ARL13A: variants seen among roughly 807,000 people sequenced by gnomAD.
ARL13A encodes ADP-ribosylation factor-like protein 13A.
In ARL13A, 16 loss-of-function variants were observed where a neutral mutation model predicts 19.1. That is an observed-to-expected ratio of 0.84 (90% CI 0.57 to 1.27). The LOEUF is 1.27. Among genes scored for constraint, ARL13A ranks in the 50% most tolerant of loss-of-function variants. ARL13A has a pLI of 0.00. For synonymous variants in ARL13A, 69 were observed against 71.3 expected (o/e 0.97, Z 0.17); for missense variants, 153 against 186.4 (o/e 0.82, Z 1.04).
At chrX:100,975,290 G>A (rs893779656) in intron 3 of ARL13A, among the ~76,000 whole-genome samples, 1 of 111,083 alleles carries the variant, frequency 9.0e-6, no homozygotes, top group Non-Finnish European at 1.9e-5. Context: ...CCACTACCTA[G>A]CATTTTATCT....
intron 3 of ARL13A, among the ~76,000 whole-genome samples, chrX:100,975,198 C>T (rs982335389): frequency 1.2e-4 from 13 of 112,135 alleles, no homozygotes; most frequent in African/African-American, 3.9e-4. Context: ...AACTTCATTT[C>T]CCATGCTCTC....
Position 100,988,178 on chromosome X carries a change from T to G in ARL13A, c.654-15T>G. 8.4e-7 allele frequency: 1 copy of G among 1,191,549 alleles called. No individual in the cohort carries two copies. The highest frequency in any genetic ancestry group is 1.1e-6 in the Non-Finnish European group (1 of 880,318). ...GTCCGTTTCTACTACTGCTGTCCTTTCCATCTTCCACCAGCTTCTCCACCA... is the reference window on the plus strand; with the variant it reads ...GTCCGTTTCTACTACTGCTGTCCTTGCCATCTTCCACCAGCTTCTCCACCA... On this transcript the variant is annotated splice_polypyrimidine_tract_variant and intron_variant, in intron 6 of 7. Transcript: ENST00000450049.
At chrX:100,990,378 G>T in intron 7 of ARL13A, 184 bp from the exon 8 acceptor site, 1 of 933,652 alleles carries the variant, frequency 1.1e-6, no homozygotes. Context: ...GAGAAAAACA[G>T]AGGGAAACCA....
chrX:100,974,507 C>G (rs1229238115), intron 3 of ARL13A, among the ~76,000 whole-genome samples: 1 of 110,801 alleles, frequency 9.0e-6, no homozygotes, highest in Non-Finnish European at 1.9e-5. Context: ...GGCGTGAGTT[C>G]AAACTACGTA....
At chrX:100,988,615 T>C in intron 7 of ARL13A, 1 of 847,202 alleles carries the variant, frequency 1.2e-6, no homozygotes, top group Non-Finnish European at 1.5e-6. Flanking sequence ...CCTAACAATT[T>C]CTACAATAGT....
chrX:100,977,754 C>T (rs749497495), intron 3 of ARL13A, among the ~76,000 whole-genome samples: 4 of 112,079 alleles, frequency 3.6e-5, no homozygotes, highest in African/African-American at 6.5e-5. Context: ...TGAGAACATA[C>T]GAAATTTATC....
chrX:100,990,547 ATATC>A lies in ARL13A; in HGVS notation c.745-11_745-8del. The A allele has an allele frequency of 3.5e-6, 4 of 1,136,273 alleles. No individual in the cohort carries two copies. The South Asian group carries it at 8.6e-5, about 25-fold the overall frequency. 93.6% of individuals were successfully genotyped at this position (1,136,273 alleles called of 1,213,427 possible). A position where few individuals can be genotyped will look rare whatever the true frequency, so the allele number is the denominator to read the frequency against. ...CCCTGAGAACCCCTGTTGTTCCTGT[ATATC>A]TATATTCTAGCCATCAAATCAATCC... On this transcript the variant is annotated splice_polypyrimidine_tract_variant and intron_variant, in intron 7 of 7. Transcript: ENST00000450049.
chrX:100,975,467 T>TA (rs1442432624), intron 3 of ARL13A, among the ~76,000 whole-genome samples: 3 of 111,465 alleles, frequency 2.7e-5, no homozygotes, highest in Non-Finnish European at 5.6e-5. Context: ...GTCCATCCCC[T>TA]AAATTGTGAG....
rs767434624 is a variant in ARL13A, at chrX:100,986,846, T to C, written c.431T>C (p.Ile144Thr). The change falls in exon 5 of 8, where the codon ATT (isoleucine) becomes ACT (threonine). Residue 144 changes from isoleucine (I) to threonine (T), a missense_variant. By Grantham distance (89) the Ile-to-Thr change is moderately conservative. Coordinates refer to ENST00000450049, the MANE Select transcript of ARL13A (RefSeq NM_001162491.2). ...AAAGCCCTCATGCCTTGTGATATTA[T>C]TGACTATCTACTTCTAAAGAAGCTA... ...KKKALMPCDI[I>T]DYLLLKKLVK... The C allele has an allele frequency of 1.7e-6, 2 of 1,207,459 alleles. No homozygotes were observed. Among genetic ancestry groups the C allele is most frequent in the South Asian group, 3.6e-5 (2 of 56,007 alleles).
In ARL13A at chrX:100,974,546, C is replaced by A. The variant is rs1419466234; in HGVS notation, c.130+349C>A. 5.4e-5 allele frequency among the ~76,000 whole-genome samples: 6 copies of A among 111,375 alleles called. No homozygotes were observed. The East Asian group carries it at 1.7e-3, about 31-fold the overall frequency. ...CATTGCAGTCAATTATGAAGGATAG[C>A]ATGTTTGAAATGATGTCTAGTTTCA... On this transcript the variant is annotated intron_variant, in intron 3 of 7. Transcript: ENST00000450049.
chrX:100,990,290 G>C (rs1458867422), intron 7 of ARL13A: 3 of 836,565 alleles, frequency 3.6e-6, no homozygotes, highest in Non-Finnish European at 4.3e-6. Flanking sequence ...CTGGCACTTG[G>C]CTTCACTTAC....
chrX:100,990,215 C>G (rs1030457958), intron 7 of ARL13A: 26 of 378,676 alleles, frequency 6.9e-5, no homozygotes, highest in Non-Finnish European at 8.5e-5. Flanking sequence ...GGGGTGCAGT[C>G]TATACCCTGT....
chrX:100,972,224 C>A (rs1465192767), intron 1 of ARL13A, among the ~76,000 whole-genome samples: 3 of 97,632 alleles, frequency 3.1e-5, no homozygotes, highest in Non-Finnish European at 6.3e-5. Context: ...CATCCTGGCC[C>A]GTTCTCAATG....
chrX:100,984,674 G>A (rs895149360), intron 3 of ARL13A, among the ~76,000 whole-genome samples: 3 of 111,985 alleles, frequency 2.7e-5, no homozygotes, highest in African/African-American at 9.7e-5. Context: ...CCCTCATATA[G>A]CTTACGTTTT....
intron 1 of ARL13A, among the ~76,000 whole-genome samples, chrX:100,972,300 G>C (rs929050424): frequency 6.9e-5 from 7 of 101,811 alleles, no homozygotes; most frequent in Non-Finnish European, 1.4e-4. Context: ...TTCCCAGTAG[G>C]GGGGGCCGGG....
intron 3 of ARL13A, among the ~76,000 whole-genome samples, chrX:100,980,758 G>A (rs778564106): frequency 9.0e-6 from 1 of 111,282 alleles, no homozygotes; most frequent in South Asian, 3.8e-4. Flanking sequence ...ACTGCCTGGC[G>A]CTTGCTTGGG....
intron 3 of ARL13A, among the ~76,000 whole-genome samples, chrX:100,978,034 T>A (rs2085795893): frequency 8.9e-6 from 1 of 112,204 alleles, no homozygotes; most frequent in Non-Finnish European, 1.9e-5. Context: ...GCAGGTGGAT[T>A]GCTGCATCAC....
Position 100,990,568 on chromosome X carries a change from A to C in ARL13A, c.751A>C (p.Asn251His). 1 of 1,151,722 alleles carries C rather than the reference A, an allele frequency of 8.7e-7. No homozygotes were observed. The highest frequency in any genetic ancestry group is 1.2e-6 in the Non-Finnish European group (1 of 866,017). 94.9% of individuals were successfully genotyped at this position (1,151,722 alleles called of 1,213,427 possible). A position where few individuals can be genotyped will look rare whatever the true frequency, so the allele number is the denominator to read the frequency against. ...CTGTATATCTATATTCTAGCCATCA[A>C]ATCAATCCTATACTCACTGAGAGGC... is the stretch of plus-strand genomic sequence containing the variant. ...KPLKSILQPSNQSYTH is the reference protein window; with the variant it reads ...KPLKSILQPSHQSYTH The change falls in exon 8 of 8, where the codon AAT (asparagine) becomes CAT (histidine). Residue 251 changes from asparagine to histidine, a missense_variant. By Grantham distance (68) the Asn-to-His change is moderately conservative (BLOSUM62 1). Transcript: ENST00000450049.
chrX:100,974,321 A>C (rs916705231), intron 3 of ARL13A, 124 bp downstream of exon 3: 91 of 484,988 alleles, frequency 1.9e-4, no homozygotes, highest in South Asian at 6.3e-4. Context: ...GTGCATAAAC[A>C]CCTCCTAACA....
Sources: allele counts gnomAD v4.1 joint callset (sites outside exome capture counted in the v4.1 genomes callset), GRCh38; gene constraint gnomAD v4.1.1; transcripts MANE v1.5; gene names NCBI Gene and HGNC (gene_info 2026-07-23, HGNC 2026-07-21).